EPC1: variants seen among roughly 807,000 people sequenced by gnomAD.
EPC1 encodes the protein enhancer of polycomb 1.
Under a neutral mutation model 98.4 loss-of-function variants are expected in EPC1, and 12 were observed. That is an observed-to-expected ratio of 0.12 (90% CI 0.08 to 0.20). The LOEUF is 0.20. Ranked by LOEUF, EPC1 falls within the 10% of genes least tolerant of loss-of-function variation. The probability of loss-of-function intolerance (pLI) is 1.00; values close to 1 mark genes in which losing one functional copy is unlikely to be tolerated. For synonymous variants in EPC1, 357 were observed against 363.9 expected (o/e 0.98, Z 0.21); for missense variants, 729 against 990.5 (o/e 0.74, Z 3.54).
intron 1 of EPC1, among the ~76,000 whole-genome samples, chr10:32,359,165 G>A (rs1221818091): frequency 6.6e-6 from 1 of 152,110 alleles, no homozygotes; most frequent in Non-Finnish European, 1.5e-5. Flanking sequence ...TTCCAATCAA[G>A]TTATCCATCT....
intron 10 of EPC1, among the ~76,000 whole-genome samples, chr10:32,274,720 G>A (rs1186407062): frequency 2.0e-5 from 3 of 152,000 alleles, no homozygotes; most frequent in Non-Finnish European, 4.4e-5. Flanking sequence ...GCAATCTGTA[G>A]AAAAGATTTT....
chr10:32,336,132 G>A (rs1446889548), intron 1 of EPC1, among the ~76,000 whole-genome samples: 3 of 148,324 alleles, frequency 2.0e-5, no homozygotes, highest in Admixed American at 6.7e-5. Flanking sequence ...GCAATGGCAC[G>A]ATCTCGGCTC....
In EPC1 at chr10:32,285,054, T is replaced by G. The variant is rs1177273404; in HGVS notation, c.1392-4A>C. ...ATGAGCTCTGTCCAGTAAGACCCTATTAAAAAATCAGACAAGAAACAGTTA... is the reference window on the plus strand; with the variant it reads ...ATGAGCTCTGTCCAGTAAGACCCTAGTAAAAAATCAGACAAGAAACAGTTA... On this transcript the variant is annotated splice_polypyrimidine_tract_variant and splice_region_variant and intron_variant, in intron 9 of 13. Coordinates refer to ENST00000319778, the MANE Select transcript of EPC1 (RefSeq NM_001272004.3). 2 of 1,594,520 alleles carry G rather than the reference T, an allele frequency of 1.3e-6. No homozygotes were observed. Among genetic ancestry groups the G allele is most frequent in the African/African-American group, 1.4e-5 (1 of 74,028 alleles).
At chr10:32,340,539 C>T (rs1421890372) in intron 1 of EPC1, among the ~76,000 whole-genome samples, 1 of 152,110 alleles carries the variant, frequency 6.6e-6, no homozygotes, top group Non-Finnish European at 1.5e-5. Flanking sequence ...AAATTAAAAG[C>T]AATTCTAGGG....
chr10:32,301,753 C>T (rs1835558191), intron 2 of EPC1, among the ~76,000 whole-genome samples: 1 of 152,162 alleles, frequency 6.6e-6, no homozygotes, highest in Non-Finnish European at 1.5e-5. Context: ...TTGATCTAAA[C>T]CTCTTGCTCT....
At chr10:32,300,298 GGTTT>G (rs1409870677) in intron 2 of EPC1, among the ~76,000 whole-genome samples, 1 of 151,944 alleles carries the variant, frequency 6.6e-6, no homozygotes, top group Admixed American at 6.6e-5. Context: ...ACAACATGCA[GGTTT>G]GTTACATATG....
At chr10:32,358,779 T>C (rs1390671992) in intron 1 of EPC1, among the ~76,000 whole-genome samples, 1 of 152,138 alleles carries the variant, frequency 6.6e-6, no homozygotes, top group Non-Finnish European at 1.5e-5. Flanking sequence ...ATCATCTGTC[T>C]GAGTAGATGA....
At chr10:32,305,294 T>C (rs959222339) in intron 2 of EPC1, among the ~76,000 whole-genome samples, 5 of 152,252 alleles carry the variant, frequency 3.3e-5, no homozygotes, top group Non-Finnish European at 7.3e-5. Flanking sequence ...CACAGCGACA[T>C]TCATTCATTT....
At chr10:32,306,973 C>T (rs1835909401) in intron 1 of EPC1, among the ~76,000 whole-genome samples, 1 of 151,746 alleles carries the variant, frequency 6.6e-6, no homozygotes, top group Non-Finnish European at 1.5e-5. Context: ...ATTTTCTTCC[C>T]AATATTTTAA....
intron 10 of EPC1, among the ~76,000 whole-genome samples, chr10:32,276,055 T>C (rs1287624122): frequency 6.6e-6 from 1 of 152,184 alleles, no homozygotes; most frequent in African/African-American, 2.4e-5. Context: ...TGGCAAATAG[T>C]CTAGGAGAAA....
At chr10:32,299,326 C>T (rs1835355996) in intron 2 of EPC1, among the ~76,000 whole-genome samples, 1 of 152,076 alleles carries the variant, frequency 6.6e-6, no homozygotes, top group Non-Finnish European at 1.5e-5. Flanking sequence ...GCTGGGATTA[C>T]AGGCGCTTGC....
chr10:32,303,239 T>C (rs1465995187), intron 2 of EPC1, among the ~76,000 whole-genome samples: 2 of 152,176 alleles, frequency 1.3e-5, no homozygotes, highest in Non-Finnish European at 2.9e-5. Context: ...GAGGTGCAGG[T>C]TGCAGTGAGC....
At chr10:32,369,086 A>T (rs566733435) in intron 1 of EPC1, among the ~76,000 whole-genome samples, 2 of 152,314 alleles carry the variant, frequency 1.3e-5, no homozygotes, top group South Asian at 4.1e-4. Flanking sequence ...AAGCTAAAAA[A>T]CCTTGTCAAT....
At chr10:32,281,045 T>C (rs1836385664) in intron 10 of EPC1, among the ~76,000 whole-genome samples, 1 of 151,992 alleles carries the variant, frequency 6.6e-6, no homozygotes, top group African/African-American at 2.4e-5. Flanking sequence ...TTATTATTTA[T>C]TTATTTTGAG....
intron 10 of EPC1, chr10:32,284,450 A>G: frequency 2.8e-6 from 1 of 354,944 alleles, no homozygotes; most frequent in Non-Finnish European, 5.0e-6. Context: ...TATATCCAGG[A>G]AACAAATGTC....
chr10:32,336,179 C>T (rs767598963), intron 1 of EPC1, among the ~76,000 whole-genome samples: 1 of 151,846 alleles, frequency 6.6e-6, no homozygotes, highest in Non-Finnish European at 1.5e-5. Context: ...AGCAATTCTC[C>T]TGCATCAGCC....
chr10:32,365,382 T>C (rs908079355), intron 1 of EPC1, among the ~76,000 whole-genome samples: 28 of 152,126 alleles, frequency 1.8e-4, no homozygotes, highest in African/African-American at 5.1e-4. Context: ...CACTAGAAAG[T>C]GAGGAGAATT....
At position 32,278,542 on chromosome 10, in the gene EPC1, C is replaced by T. The variant is rs575396112; in HGVS notation, c.1745-5261G>A. ...GACTACAGGCGCCCGCCACTACGCC[C>T]GTCTAATTTTTTGTATTTTTAGTAG... On this transcript the variant is annotated intron_variant, in intron 10 of 13. Coordinates refer to ENST00000319778, the MANE Select transcript of EPC1 (RefSeq NM_001272004.3). Among the ~76,000 whole-genome samples the T allele has an allele frequency of 9.1e-3, 1,332 of 147,044 alleles. 17 individuals carry two copies. Among genetic ancestry groups the T allele is most frequent in the African/African-American group, 0.031 (1,244 of 39,692 alleles).
chr10:32,303,193 C>T (rs1037849654), intron 2 of EPC1, among the ~76,000 whole-genome samples: 1 of 152,090 alleles, frequency 6.6e-6, no homozygotes, highest in African/African-American at 2.4e-5. Context: ...ATCCCAACTA[C>T]TCGGGAGGCT....
Sources: gnomAD v4.1 joint callset for allele counts (sites outside exome capture counted in the v4.1 genomes callset) on GRCh38, gnomAD v4.1.1 for gene constraint, MANE v1.5 for transcripts, NCBI Gene and HGNC (gene_info 2026-07-23, HGNC 2026-07-21) for gene names.